The following BACH1 variants were observed in gnomAD, a reference collection of about 807,000 sequenced individuals.
BACH1 encodes BTB domain and CNC homolog 1, also known as transcription regulator protein BACH1.
In BACH1, 35 loss-of-function variants were observed where a neutral mutation model predicts 52.9. The observed-to-expected ratio is 0.66, with a 90% CI of 0.51 to 0.88. The LOEUF is 0.88. Ranked by LOEUF, BACH1 falls within the 40% of genes least tolerant of loss-of-function variation. The pLI is 0.00. For synonymous variants in BACH1, 321 were observed against 319.6 expected, an observed-to-expected ratio of 1.00 and a Z score of -0.05; for missense variants, 808 against 872.6, an observed-to-expected ratio of 0.93 and a Z score of 0.93.
At position 29,329,469 on chromosome 21, in the gene BACH1, A is replaced by AT; in HGVS notation, c.1570-15dup. On this transcript the variant is annotated splice_polypyrimidine_tract_variant and intron_variant, in intron 3 of 4. Transcript: ENST00000286800. ...ATAAAATACAGCAATAATTAGTAAT[A>AT]TTTATTTCATATTCTAGGTAAAACT... 1 of 1,493,654 alleles carries AT rather than the reference A, an allele frequency of 6.7e-7. No homozygotes were observed. The highest frequency in any genetic ancestry group is 1.4e-5 in the African/African-American group (1 of 70,718). 92.5% of individuals were successfully genotyped at this position (1,493,654 alleles called of 1,614,324 possible). A position where few individuals can be genotyped will look rare whatever the true frequency, so the allele number is the denominator to read the frequency against.
intron 2 of BACH1, among the ~76,000 whole-genome samples, chr21:29,356,392 C>T (rs909201904): frequency 6.6e-6 from 1 of 152,214 alleles, no homozygotes; most frequent in Non-Finnish European, 1.5e-5. Flanking sequence ...ATGGCTCCTT[C>T]CTGATACTGT....
intron 2 of BACH1, among the ~76,000 whole-genome samples, chr21:29,324,319 T>C (rs1485406815): frequency 2.0e-5 from 3 of 150,868 alleles, no homozygotes; most frequent in African/African-American, 4.9e-5. Context: ...ATCTCCTGCC[T>C]ACACTCCATG....
chr21:29,334,922 C>G (rs1223460388), intron 4 of BACH1, among the ~76,000 whole-genome samples: 1 of 152,208 alleles, frequency 6.6e-6, no homozygotes. Flanking sequence ...GGAACCTGCC[C>G]TCTGTCATTC....
chr21:29,360,248 C>T (rs1004240492), intron 2 of BACH1, among the ~76,000 whole-genome samples: 2 of 152,176 alleles, frequency 1.3e-5, no homozygotes, highest in African/African-American at 2.4e-5. Flanking sequence ...CTTCCTGACG[C>T]TGTCATAGGC....
chr21:29,348,420 T>A (rs1244605677), downstream of BACH1, among the ~76,000 whole-genome samples: 1 of 151,996 alleles, frequency 6.6e-6, no homozygotes, highest in East Asian at 1.9e-4. Flanking sequence ...CACAGCTCAG[T>A]ACCTAGTGCT....
In BACH1 at chr21:29,327,206, G is replaced by A. The variant is rs1165870304; in HGVS notation, c.1382G>A (p.Cys461Tyr). 8 of 1,614,190 alleles carry A rather than the reference G, an allele frequency of 5.0e-6. No individual in the cohort carries two copies. The highest frequency in any genetic ancestry group is 4.2e-6 in the Non-Finnish European group (5 of 1,180,042). The change falls in exon 3 of 5, where the codon TGC becomes TAC. Residue 461 changes from cysteine (C) to tyrosine (Y), a missense_variant. Cys to Tyr is a radical substitution (Grantham distance 194). Coordinates refer to ENST00000286800, the MANE Select transcript of BACH1 (RefSeq NM_001186.4). ...RTFTTLSSVN[C>Y]PFISTLSTEG... ...TTCACAACATTAAGTTCTGTCAACT[G>A]CCCTTTTATAAGTACTCTGAGTACT...
intron 2 of BACH1, chr21:29,351,796 C>CAT (rs2089203840): frequency 1.9e-6 from 1 of 530,988 alleles, no homozygotes; most frequent in African/African-American, 1.9e-5. Flanking sequence ...AAGTAGAGCA[C>CAT]ATAGCTGCTA....
chr21:29,306,555 A>C (rs1225753043), intron 1 of BACH1, among the ~76,000 whole-genome samples: 1 of 152,152 alleles, frequency 6.6e-6, no homozygotes. Context: ...GATTCATCTT[A>C]GGTTGTGGCT....
intron 3 of BACH1, among the ~76,000 whole-genome samples, chr21:29,328,485 T>C (rs1363617737): frequency 6.6e-6 from 1 of 152,186 alleles, no homozygotes; most frequent in Non-Finnish European, 1.5e-5. Context: ...TACATTCTTT[T>C]TAAAAATTAT....
intron 1 of BACH1, among the ~76,000 whole-genome samples, chr21:29,314,722 C>T (rs1393158716): frequency 6.6e-6 from 1 of 152,010 alleles, no homozygotes; most frequent in African/African-American, 2.4e-5. Context: ...CTGCTACTTA[C>T]CTTAGTTCAA....
At chr21:29,318,932 A>T (rs2088818075) in intron 1 of BACH1, among the ~76,000 whole-genome samples, 1 of 151,982 alleles carries the variant, frequency 6.6e-6, no homozygotes, top group East Asian at 1.9e-4. Context: ...GAATCTCCAT[A>T]CTGTGCGTTC....
At chr21:29,328,980 C>CA (rs1446763298) in intron 3 of BACH1, among the ~76,000 whole-genome samples, 3 of 152,166 alleles carry the variant, frequency 2.0e-5, no homozygotes, top group African/African-American at 7.2e-5. Flanking sequence ...GTTTCCATAT[C>CA]ATGGCTATTG....
At chr21:29,322,366 A>G (rs1228317959) in intron 2 of BACH1, among the ~76,000 whole-genome samples, 1 of 152,184 alleles carries the variant, frequency 6.6e-6, no homozygotes, top group Non-Finnish European at 1.5e-5. Context: ...GATTAGAAAA[A>G]ATAAACAGTG....
chr21:29,312,240 C>T (rs1418579269), intron 1 of BACH1, among the ~76,000 whole-genome samples: 3 of 152,064 alleles, frequency 2.0e-5, no homozygotes, highest in Admixed American at 1.3e-4. Flanking sequence ...TTGCTTTTTT[C>T]CCCTCCCCTC....
chr21:29,330,276 T>A (rs1394887308), intron 4 of BACH1, among the ~76,000 whole-genome samples: 2 of 152,314 alleles, frequency 1.3e-5, no homozygotes, highest in African/African-American at 4.8e-5. Context: ...GCCATTCTCC[T>A]GCCTCAGCCT....
At chr21:29,351,899 T>C in intron 2 of BACH1, 1 of 380,538 alleles carries the variant, frequency 2.6e-6, no homozygotes, top group Non-Finnish European at 5.3e-6. Context: ...GCCAGCATAC[T>C]TAAAATAGGT....
chr21:29,358,751 AAAG>A (rs1324469419), intron 2 of BACH1, among the ~76,000 whole-genome samples: 121 of 113,566 alleles, frequency 1.1e-3, no homozygotes, highest in African/African-American at 4.1e-3. Flanking sequence ...GAAAAAAAGA[AAAG>A]AAAAGAAAAG....
At chr21:29,314,669 T>C (rs2088765945) in intron 1 of BACH1, among the ~76,000 whole-genome samples, 2 of 152,200 alleles carry the variant, frequency 1.3e-5, no homozygotes, top group African/African-American at 4.8e-5. Flanking sequence ...GGTTATTTAC[T>C]CCTCTAACAA....
intron 2 of BACH1, among the ~76,000 whole-genome samples, chr21:29,352,419 T>C (rs564445197): frequency 6.6e-6 from 1 of 152,342 alleles, no homozygotes; most frequent in Admixed American, 6.5e-5. Context: ...AATTACTTAA[T>C]GTCTCTCAGA....
Sources: allele counts gnomAD v4.1 joint callset (sites outside exome capture counted in the v4.1 genomes callset), GRCh38; gene constraint gnomAD v4.1.1; transcripts MANE v1.5; gene names NCBI Gene and HGNC (gene_info 2026-07-23, HGNC 2026-07-21).